The following ARHGEF12 variants were observed in gnomAD, a reference collection of about 807,000 sequenced individuals.
ARHGEF12 encodes the protein Rho guanine nucleotide exchange factor 12, also known as KMT2A/ARHGEF12 fusion protein.
ARHGEF12 carries 66 observed loss-of-function variants against 211.2 expected under a neutral mutation model. That is an observed-to-expected ratio of 0.31 (90% CI 0.26 to 0.38). The LOEUF is 0.38. Ranked by LOEUF, ARHGEF12 falls within the 10% of genes least tolerant of loss-of-function variation. The pLI, the probability that ARHGEF12 is intolerant of heterozygous loss-of-function variation, is 1.00. For synonymous variants in ARHGEF12, 592 were observed against 638.4 expected (o/e 0.93, Z 1.09); for missense variants, 1,429 against 1,869.5 (o/e 0.76, Z 4.34).
At chr11:120,370,620 A>T (rs923618117) in intron 1 of ARHGEF12, among the ~76,000 whole-genome samples, 1 of 152,132 alleles carries the variant, frequency 6.6e-6, no homozygotes, top group Non-Finnish European at 1.5e-5. Context: ...TTCCTTAGAA[A>T]TTCCAGATAT....
At position 120,447,118 on chromosome 11, in the gene ARHGEF12, C is replaced by T. The variant is rs1165628697; in HGVS notation, c.1589+33C>T. The T allele has an allele frequency of 1.9e-6, 3 of 1,605,748 alleles. No individual in the cohort carries two copies. The South Asian group carries it at 3.4e-5, about 18-fold the overall frequency. On this transcript the variant is annotated intron_variant, in intron 18 of 40. Transcript: ENST00000397843. ...ATAGAAGTATATGTGGAAATGCCCTCTCTGCTGAGATACTAGTTATGCTTG... is the reference window on the plus strand; with the variant it reads ...ATAGAAGTATATGTGGAAATGCCCTTTCTGCTGAGATACTAGTTATGCTTG...
intron 15 of ARHGEF12, 100 bp from the exon 16 acceptor site, chr11:120,445,322 G>GAT: frequency 9.3e-7 from 1 of 1,074,690 alleles, no homozygotes; most frequent in East Asian, 2.4e-5. Context: ...TGCTTGTAGA[G>GAT]TGGGTATCCA....
chr11:120,462,089 A>T (rs2135910774), intron 27 of ARHGEF12, among the ~76,000 whole-genome samples: 1 of 152,302 alleles, frequency 6.6e-6, no homozygotes, highest in South Asian at 2.1e-4. Context: ...CATTTGGCGT[A>T]AGAGCCAAAT....
chr11:120,479,350 T>G (rs1017837904), intron 37 of ARHGEF12, among the ~76,000 whole-genome samples: 24 of 152,244 alleles, frequency 1.6e-4, no homozygotes, highest in African/African-American at 5.8e-4. Flanking sequence ...TTTTTATACC[T>G]TCTCCTGAAT....
At chr11:120,481,760 CTTTTTTTT>C (rs765155466) in intron 39 of ARHGEF12, among the ~76,000 whole-genome samples, 184 bp downstream of exon 39, 20 of 138,408 alleles carry the variant, frequency 1.4e-4, no homozygotes, top group African/African-American at 5.3e-4. Flanking sequence ...TTCTTTCTTT[CTTTTTTTT>C]TTTTTTTTTG....
At chr11:120,425,542 C>G (rs917551005) in intron 7 of ARHGEF12, among the ~76,000 whole-genome samples, 1 of 151,418 alleles carries the variant, frequency 6.6e-6, no homozygotes, top group African/African-American at 2.4e-5. Flanking sequence ...CTGGGCTCAC[C>G]CATCTCAGCC....
intron 1 of ARHGEF12, chr11:120,365,705 A>G (rs1386350058): frequency 1.3e-5 from 2 of 152,214 alleles, no homozygotes; most frequent in Admixed American, 6.5e-5. Flanking sequence ...CTGTCACCCT[A>G]TGGATTGCCA....
At chr11:120,432,112 A>T (rs1416059142) in intron 11 of ARHGEF12, among the ~76,000 whole-genome samples, 4 of 152,174 alleles carry the variant, frequency 2.6e-5, no homozygotes, top group Non-Finnish European at 5.9e-5. Context: ...TTTCCCTTGA[A>T]CACCCATTGC....
chr11:120,345,356 A>G (rs1265791280), intron 1 of ARHGEF12, among the ~76,000 whole-genome samples: 1 of 152,206 alleles, frequency 6.6e-6, no homozygotes, highest in Non-Finnish European at 1.5e-5. Context: ...TACCATCCAT[A>G]TACAAAACAC....
intron 31 of ARHGEF12, 70 bp downstream of exon 31, chr11:120,473,197 A>C (rs1946922388): frequency 7.3e-7 from 1 of 1,367,078 alleles, no homozygotes; most frequent in South Asian, 1.2e-5. Flanking sequence ...GGTAATTAAC[A>C]TCTCAGTGGG....
chr11:120,457,349 G>T, intron 23 of ARHGEF12, 99 bp downstream of exon 23: 3 of 1,411,090 alleles, frequency 2.1e-6, no homozygotes, highest in Non-Finnish European at 9.6e-7. Context: ...CTGAAGCCTG[G>T]CATGGTGGTA....
At position 120,486,676 on chromosome 11, in the gene ARHGEF12, C is replaced by T. The variant is rs950896697; in HGVS notation, c.*1599C>T. ...GGTGCCCTCTGAACTCTGTGGGTTG[C>T]TAGGATGTAATTTTAATGCTTCCCT... On this transcript the variant is annotated 3_prime_UTR_variant, in exon 41 of 41. Coordinates refer to ENST00000397843, the MANE Select transcript of ARHGEF12 (RefSeq NM_015313.3). The T allele has an allele frequency of 3.6e-5, 8 of 222,204 alleles. No individual in the cohort carries two copies. Among genetic ancestry groups the T allele is most frequent in the African/African-American group, 1.6e-4 (7 of 44,688 alleles). 13.8% of individuals were successfully genotyped at this position (222,204 alleles called of 1,614,324 possible).
chr11:120,359,026 C>G (rs1173435557), intron 1 of ARHGEF12, among the ~76,000 whole-genome samples: 1 of 152,058 alleles, frequency 6.6e-6, no homozygotes, highest in African/African-American at 2.4e-5. Context: ...GTGGACTTCT[C>G]TGTGGGGATG....
chr11:120,465,359 G>A lies in ARHGEF12; in HGVS notation c.2736G>A (p.Val912=). Residue 912 remains valine, a synonymous_variant, in exon 28 of 41, where the codon GTG becomes GTA. Transcript: ENST00000397843. The stretch of plus-strand genomic sequence containing the variant: ...AGGATTCTCGATTTCAGACTTTTGT[G>A]CAAGTGAGTTGAGTGAGTCATGTAA... ...QKKDSRFQTF[V]QDAESNPLCR... 1 of 1,614,106 alleles carries A rather than the reference G, an allele frequency of 6.2e-7. No individual in the cohort carries two copies. The highest frequency in any genetic ancestry group is 1.7e-4 in the Middle Eastern group (1 of 6,060).
In ARHGEF12 at chr11:120,448,188, C is replaced by G. The variant is rs146377351; in HGVS notation, c.1623-46C>G. On this transcript the variant is annotated intron_variant, in intron 19 of 40. Coordinates refer to ENST00000397843, the MANE Select transcript of ARHGEF12 (RefSeq NM_015313.3). ...CATTTGATGTCTTTATTCTACCAAC[C>G]CTCCCTTCTCAGAAGTCTTAATTTA... 1.3e-3 allele frequency: 1,816 copies of G among 1,372,982 alleles called. 25 individuals carry two copies. The Admixed American group carries it at 0.022, about 17-fold the overall frequency. 85.0% of individuals were successfully genotyped at this position (1,372,982 alleles called of 1,614,324 possible). A position where few individuals can be genotyped will look rare whatever the true frequency, so the allele number is the denominator to read the frequency against.
At chr11:120,357,076 G>A (rs1012024830) in intron 1 of ARHGEF12, among the ~76,000 whole-genome samples, 5 of 151,646 alleles carry the variant, frequency 3.3e-5, no homozygotes, top group African/African-American at 1.2e-4. Context: ...CCAGGCTGGA[G>A]TGCAGTGGCG....
intron 10 of ARHGEF12, among the ~76,000 whole-genome samples, chr11:120,430,111 GATATAT>G (rs942689963): frequency 6.6e-6 from 1 of 151,116 alleles, no homozygotes; most frequent in African/African-American, 2.4e-5. Context: ...AATGTATTTA[GATATAT>G]ATATATATTT....
intron 27 of ARHGEF12, among the ~76,000 whole-genome samples, chr11:120,461,422 C>T (rs1317197373): frequency 6.6e-6 from 1 of 151,610 alleles, no homozygotes; most frequent in African/African-American, 2.4e-5. Flanking sequence ...TTTTTCTGAG[C>T]AGTAGGTCTT....
chr11:120,451,526 G>T lies in ARHGEF12; in HGVS notation c.1858G>T (p.Glu620Ter), dbSNP rs953216580. Reference protein sequence around the residue: ...HDNSAIGRAMELQKARHPKHL... With the variant: ...HDNSAIGRAM Reference sequence around the variant, plus strand: ...TTTCTGATCAGTTGGCAGAGCCATGGAACTACAGAAGGCGCGCCACCCTAA... The same window carrying T: ...TTTCTGATCAGTTGGCAGAGCCATGTAACTACAGAAGGCGCGCCACCCTAA... The change falls in exon 22 of 41, where the codon GAA becomes TAA. Residue 620 changes from glutamate (E) to a stop codon, truncating the protein, a stop_gained. Transcript: ENST00000397843. LOFTEE classifies it high-confidence loss of function. 1 of 1,614,026 alleles carries T rather than the reference G, an allele frequency of 6.2e-7. No homozygotes were observed. Among genetic ancestry groups the T allele is most frequent in the Non-Finnish European group, 8.5e-7 (1 of 1,180,000 alleles).
Sources: allele counts gnomAD v4.1 joint callset (sites outside exome capture counted in the v4.1 genomes callset), GRCh38; gene constraint gnomAD v4.1.1; transcripts MANE v1.5; gene names NCBI Gene and HGNC (gene_info 2026-07-23, HGNC 2026-07-21).